The following FSTL4 variants were observed in gnomAD, a reference collection of about 807,000 sequenced individuals.
FSTL4 encodes follistatin-related protein 4.
Under a neutral mutation model 78.2 loss-of-function variants are expected in FSTL4, and 28 were observed. The observed-to-expected ratio is 0.36, with a 90% CI of 0.27 to 0.49. The LOEUF (loss-of-function observed/expected upper bound fraction) is 0.49, where lower values mean the gene tolerates loss of function less well. FSTL4 is among the 20% of genes least tolerant of loss of function. The probability of loss-of-function intolerance (pLI) is 0.98; values close to 1 mark genes in which losing one functional copy is unlikely to be tolerated. For synonymous variants in FSTL4, 422 were observed against 440.5 expected (o/e 0.96, Z 0.53); for missense variants, 922 against 1,084.9 (o/e 0.85, Z 2.11).
intron 4 of FSTL4, among the ~76,000 whole-genome samples, chr5:133,359,486 T>A (rs936529401): frequency 2.6e-5 from 4 of 152,294 alleles, no homozygotes; most frequent in Non-Finnish European, 5.9e-5. Context: ...CAAACGAACT[T>A]ATCATATTAG....
intron 3 of FSTL4, among the ~76,000 whole-genome samples, chr5:133,545,962 T>C (rs538122867): frequency 6.6e-6 from 1 of 152,314 alleles, no homozygotes; most frequent in East Asian, 1.9e-4. Flanking sequence ...GACTATAAAG[T>C]TGTAAAGAAC....
rs1277255696 is a variant in FSTL4, at chr5:133,565,922, G to A, written c.160+1264C>T. On this transcript the variant is annotated intron_variant, in intron 3 of 15. Transcript: ENST00000265342. ...CATGTCAAATTCTCCTCTCCTTATG[G>A]CTATTTCTTTCCAACTTACATGGTC... Among the ~76,000 whole-genome samples the A allele has an allele frequency of 2.0e-5, 3 of 152,104 alleles. No individual in the cohort carries two copies. In the East Asian group the frequency reaches 5.8e-4, roughly 29 times the overall value.
chr5:133,342,727 G>A (rs1255978187), intron 4 of FSTL4, among the ~76,000 whole-genome samples: 1 of 152,142 alleles, frequency 6.6e-6, no homozygotes. Flanking sequence ...CCCTTTCATG[G>A]GGACTATGAG....
At chr5:133,352,721 C>T (rs182228947) in intron 4 of FSTL4, among the ~76,000 whole-genome samples, 54 of 152,152 alleles carry the variant, frequency 3.5e-4, no homozygotes, top group African/African-American at 2.4e-4. Flanking sequence ...TCTATTTCTG[C>T]GTTAGTTCAC....
chr5:133,580,832 A>T (rs1164506823), intron 2 of FSTL4, among the ~76,000 whole-genome samples: 1 of 152,198 alleles, frequency 6.6e-6, no homozygotes, highest in Non-Finnish European at 1.5e-5. Context: ...TGGCAGTAGC[A>T]TCCCAGTAGC....
intron 6 of FSTL4, chr5:133,252,262 A>G (rs1440151617): frequency 6.6e-6 from 1 of 152,172 alleles, no homozygotes; most frequent in African/African-American, 2.4e-5. Flanking sequence ...TGCACGTCTG[A>G]TCTGTGGTCA....
chr5:133,746,402 C>G, the FSTL4 span, among the ~76,000 whole-genome samples: 1 of 144,316 alleles, frequency 6.9e-6, no homozygotes, highest in Non-Finnish European at 1.5e-5. Flanking sequence ...TTCTACATTT[C>G]TTAGGAAGGA....
intron 3 of FSTL4, among the ~76,000 whole-genome samples, chr5:133,559,366 G>A (rs1759865183): frequency 6.6e-6 from 1 of 152,224 alleles, no homozygotes; most frequent in Admixed American, 6.5e-5. Context: ...AAGTAACGAA[G>A]ATGACAAATG....
chr5:133,199,930 T>A lies in FSTL4; in HGVS notation c.1827-133A>T. The stretch of plus-strand genomic sequence containing the variant: ...GTGATCTAATAGCCTAGTAATAAGA[T>A]CTATCATTCTGCAGGGGATGTCTTC... On this transcript the variant is annotated intron_variant, in intron 15 of 15. Transcript: ENST00000265342. The surrounding 1 kb of genome is among the most constrained non-coding windows in gnomAD (Gnocchi z 4.4). 2 of 603,712 alleles carry A rather than the reference T, an allele frequency of 3.3e-6. No homozygotes were observed. Among genetic ancestry groups the A allele is most frequent in the South Asian group, 4.2e-5 (2 of 48,018 alleles). The allele number at this position is 603,712 out of a possible 1,614,324, so 37.4% of individuals were successfully genotyped here.
At chr5:133,630,568 C>T in the FSTL4 span, among the ~76,000 whole-genome samples, 2 of 152,098 alleles carry the variant, frequency 1.3e-5, no homozygotes, top group African/African-American at 4.8e-5. Flanking sequence ...GCCATATTGC[C>T]CAAAGTAATT....
chr5:133,435,459 A>G (rs557280232), intron 3 of FSTL4, among the ~76,000 whole-genome samples: 1 of 152,324 alleles, frequency 6.6e-6, no homozygotes, highest in South Asian at 2.1e-4. Flanking sequence ...TTTTCTTGTT[A>G]TGTTTATTAA....
chr5:133,285,601 C>T (rs1360335038), intron 6 of FSTL4, among the ~76,000 whole-genome samples: 1 of 152,214 alleles, frequency 6.6e-6, no homozygotes, highest in African/African-American at 2.4e-5. Context: ...AAGGGCATGT[C>T]CTGCCACCAC....
chr5:133,771,881 G>T, the FSTL4 span, among the ~76,000 whole-genome samples: 2 of 152,118 alleles, frequency 1.3e-5, no homozygotes, highest in African/African-American at 4.8e-5. Context: ...TTGTAACTTA[G>T]CTGAACAAGT....
chr5:133,689,691 T>C, the FSTL4 span, among the ~76,000 whole-genome samples: 1 of 152,180 alleles, frequency 6.6e-6, no homozygotes, highest in Admixed American at 6.5e-5. Flanking sequence ...TTCAAGCTTA[T>C]TGTTTCTTAT....
the FSTL4 span, among the ~76,000 whole-genome samples, chr5:133,804,815 G>A: frequency 6.6e-6 from 1 of 151,896 alleles, no homozygotes; most frequent in Non-Finnish European, 1.5e-5. Context: ...ATTGTGGCGG[G>A]CGCCTGTAGT....
In FSTL4 at chr5:133,306,295, G is replaced by A. The variant is rs1379453782; in HGVS notation, c.727+6359C>T. 2.0e-5 allele frequency among the ~76,000 whole-genome samples: 3 copies of A among 152,350 alleles called. No individual in the cohort carries two copies. In the South Asian group the frequency reaches 6.2e-4, roughly 32 times the overall value. ...AGGCCAGCAGGCACGCAGGGCTGAG[G>A]AGCGGGCTAAGCGAGAGCCCTCCTC... On this transcript the variant is annotated intron_variant, in intron 6 of 15. Transcript: ENST00000265342.
the FSTL4 span, among the ~76,000 whole-genome samples, chr5:133,682,609 C>T: frequency 1.3e-5 from 2 of 152,216 alleles, no homozygotes; most frequent in Non-Finnish European, 2.9e-5. Context: ...CTGAGAACAA[C>T]CCAATTTGTG....
intron 6 of FSTL4, among the ~76,000 whole-genome samples, chr5:133,286,032 G>C (rs1209614313): frequency 6.6e-6 from 1 of 152,220 alleles, no homozygotes; most frequent in African/African-American, 2.4e-5. Flanking sequence ...AGCAGAATCT[G>C]ACCTGCCCTG....
In FSTL4 at chr5:133,498,998, TACAC is replaced by T. The variant is rs142906885; in HGVS notation, c.160+68184_160+68187del. Among the ~76,000 whole-genome samples the T allele has an allele frequency of 3.8e-4, 56 of 147,076 alleles. No homozygotes were observed. The East Asian group carries it at 7.5e-3, about 20-fold the overall frequency. On this transcript the variant is annotated intron_variant, in intron 3 of 15. Transcript: ENST00000265342. The stretch of plus-strand genomic sequence containing the variant: ...CACCATGTTTTCATCAGCAACAAAT[TACAC>T]ACACACACACACACACACACACATT...
Sources: allele counts gnomAD v4.1 joint callset (sites outside exome capture counted in the v4.1 genomes callset), GRCh38; gene constraint gnomAD v4.1.1; non-coding constraint Gnocchi (gnomAD v3.1); transcripts MANE v1.5; gene names NCBI Gene and HGNC (gene_info 2026-07-23, HGNC 2026-07-21).